The following RBMS2 variants were observed in gnomAD, a reference collection of about 807,000 sequenced individuals.
RBMS2 encodes the protein RNA binding motif single stranded interacting protein 2, also known as RNA-binding motif, single-stranded-interacting protein 2.
In RBMS2, 38 loss-of-function variants were observed where a neutral mutation model predicts 58.4. The observed-to-expected ratio is 0.65, with a 90% confidence interval of 0.50 to 0.85. RBMS2 has a LOEUF of 0.85. RBMS2 is among the 40% of genes least tolerant of loss of function. The pLI, the probability that RBMS2 is intolerant of heterozygous loss-of-function variation, is 0.00. For missense variants in RBMS2, 367 were observed against 503.7 expected (o/e 0.73, Z 2.60); for synonymous variants, 151 against 180.7 (o/e 0.84, Z 1.32).
At chr12:56,587,692 C>G (rs748879292) in intron 11 of RBMS2, 28 bp downstream of exon 11, 5 of 1,606,164 alleles carry the variant, frequency 3.1e-6, no homozygotes, top group Admixed American at 1.7e-5. Flanking sequence ...TGATTGTAAA[C>G]TCTCCTACTG....
chr12:56,535,680 T>C (rs920950608), intron 1 of RBMS2, among the ~76,000 whole-genome samples: 1 of 152,006 alleles, frequency 6.6e-6, no homozygotes, highest in East Asian at 1.9e-4. Flanking sequence ...ACTTAACATA[T>C]TTAAACAGAG....
intron 5 of RBMS2, 79 bp downstream of exon 5, chr12:56,571,934 C>G: frequency 5.5e-6 from 7 of 1,283,118 alleles, no homozygotes; most frequent in Non-Finnish European, 6.2e-6. Context: ...AAAATCTATG[C>G]CTTTCCCACA....
chr12:56,580,551 A>C (rs1462684031), intron 5 of RBMS2, among the ~76,000 whole-genome samples: 1 of 151,712 alleles, frequency 6.6e-6, no homozygotes, highest in Admixed American at 6.6e-5. Context: ...GGTTTTTGTG[A>C]GTGTCCTAAC....
At chr12:56,560,621 A>T (rs557706813) in intron 1 of RBMS2, among the ~76,000 whole-genome samples, 2 of 151,276 alleles carry the variant, frequency 1.3e-5, no homozygotes, top group South Asian at 4.2e-4. Flanking sequence ...TCTCAAACTC[A>T]TGGGTTCAAG....
chr12:56,527,811 T>G (rs986467725), intron 1 of RBMS2: 3 of 142,104 alleles, frequency 2.1e-5, no homozygotes, highest in African/African-American at 7.9e-5. Flanking sequence ...GTTACGTTAA[T>G]GCAGTTTTCT....
intron 1 of RBMS2, among the ~76,000 whole-genome samples, chr12:56,538,178 G>GCC (rs1875301863): frequency 6.6e-6 from 1 of 151,520 alleles, no homozygotes; most frequent in African/African-American, 2.4e-5. Context: ...GATTACAGAC[G>GCC]TGCACCACCA....
upstream of RBMS2, among the ~76,000 whole-genome samples, chr12:56,521,502 GTTT>G (rs68129205): frequency 2.7e-4 from 20 of 73,158 alleles, no homozygotes; most frequent in African/African-American, 5.5e-4. Flanking sequence ...CTCTAACTCT[GTTT>G]TTTTTTTTTT....
chr12:56,523,772 A>T (rs1872169044), intron 1 of RBMS2, among the ~76,000 whole-genome samples: 1 of 152,216 alleles, frequency 6.6e-6, no homozygotes, highest in Non-Finnish European at 1.5e-5. Flanking sequence ...AAAGAAATGA[A>T]ATATGAGTTT....
intron 10 of RBMS2, among the ~76,000 whole-genome samples, chr12:56,587,187 A>C (rs1884788424): frequency 6.6e-6 from 1 of 151,976 alleles, no homozygotes; most frequent in African/African-American, 2.4e-5. Flanking sequence ...GAATTGCTTA[A>C]ATTCGGGAGG....
At chr12:56,588,786 G>C in intron 12 of RBMS2, 146 bp from the exon 13 acceptor site, 1 of 734,770 alleles carries the variant, frequency 1.4e-6, no homozygotes, top group Non-Finnish European at 2.4e-6. Flanking sequence ...GGAAGTGGTG[G>C]TGTGGGTGGA....
chr12:56,557,067 A>G (rs1879356649), intron 1 of RBMS2, among the ~76,000 whole-genome samples: 1 of 152,106 alleles, frequency 6.6e-6, no homozygotes, highest in African/African-American at 2.4e-5. Context: ...ATTTGGAAAT[A>G]AACGCATTTA....
At chr12:56,561,407 CCATAACCT>C (rs1293179055) in intron 1 of RBMS2, among the ~76,000 whole-genome samples, 3 of 152,098 alleles carry the variant, frequency 2.0e-5, no homozygotes, top group Admixed American at 6.5e-5. Flanking sequence ...TCCCTTTTTT[CCATAACCT>C]CATAACCTCA....
At chr12:56,555,397 G>A (rs554021050) in intron 1 of RBMS2, among the ~76,000 whole-genome samples, 2 of 147,612 alleles carry the variant, frequency 1.4e-5, no homozygotes, top group Non-Finnish European at 3.0e-5. Flanking sequence ...ACAAGATCGC[G>A]CCATTGTACT....
chr12:56,587,846 G>T, intron 11 of RBMS2, 182 bp downstream of exon 11: 1 of 525,640 alleles, frequency 1.9e-6, no homozygotes, highest in African/African-American at 2.1e-5. Flanking sequence ...CAGCCATTCT[G>T]CTCCCCAGCC....
intron 1 of RBMS2, among the ~76,000 whole-genome samples, chr12:56,543,923 C>G (rs894902725): frequency 8.6e-5 from 13 of 151,962 alleles, no homozygotes; most frequent in African/African-American, 2.4e-4. Flanking sequence ...CCACCTCAGC[C>G]TCCCAAAGTG....
intron 9 of RBMS2, among the ~76,000 whole-genome samples, chr12:56,583,522 C>T (rs755031009): frequency 1.2e-4 from 19 of 152,186 alleles, no homozygotes; most frequent in Admixed American, 2.0e-4. Flanking sequence ...GGCATGGTGG[C>T]GGGCGCCTGT....
Position 56,589,351 on chromosome 12 carries a change from C to CT in RBMS2, c.*225dup. 4.9e-6 allele frequency: 6 copies of CT among 1,215,288 alleles called. No individual in the cohort carries two copies. Among genetic ancestry groups the CT allele is most frequent in the Non-Finnish European group, 6.3e-6 (6 of 952,866 alleles). 75.3% of individuals were successfully genotyped at this position (1,215,288 alleles called of 1,614,324 possible). On this transcript the variant is annotated 3_prime_UTR_variant, in exon 14 of 14. Coordinates refer to ENST00000262031, the MANE Select transcript of RBMS2 (RefSeq NM_002898.4). Reference sequence around the variant, plus strand: ...CTGATGGAGCCTGGGGGAACCATCACTTTTTTTGTGTGCTACATTCAAGGA... The same window carrying CT: ...CTGATGGAGCCTGGGGGAACCATCACTTTTTTTTGTGTGCTACATTCAAGGA...
intron 1 of RBMS2, among the ~76,000 whole-genome samples, chr12:56,548,676 T>TC (rs1443873947): frequency 6.6e-6 from 1 of 152,192 alleles, no homozygotes; most frequent in Admixed American, 6.5e-5. Context: ...TCATCCACAT[T>TC]CCCGTTGCAT....
Position 56,595,878 on chromosome 12 carries a change from G to GTC in RBMS2, c.*6748_*6749dup, listed in dbSNP as rs1658960782. 1 of 126,172 alleles carries GTC rather than the reference G, an allele frequency of 7.9e-6. No individual in the cohort carries two copies. Among genetic ancestry groups the GTC allele is most frequent in the Non-Finnish European group, 1.7e-5 (1 of 59,732 alleles). 7.8% of individuals were successfully genotyped at this position (126,172 alleles called of 1,614,324 possible). A position where few individuals can be genotyped will look rare whatever the true frequency, so the allele number is the denominator to read the frequency against. The stretch of plus-strand genomic sequence containing the variant: ...AGCCAGTCATACCTATCCCAACGCC[G>GTC]TCTCCCCCTCAGGTGTGTAGAAGGG... On this transcript the variant is annotated 3_prime_UTR_variant, in exon 14 of 14. Transcript: ENST00000262031.
Sources: allele counts gnomAD v4.1 joint callset (sites outside exome capture counted in the v4.1 genomes callset), GRCh38; gene constraint gnomAD v4.1.1; transcripts MANE v1.5; gene names NCBI Gene and HGNC (gene_info 2026-07-23, HGNC 2026-07-21).